The following SCOC variants were observed in gnomAD, a reference collection of about 807,000 sequenced individuals.
SCOC encodes short coiled coil protein.
A neutral mutation model predicts 9.9 loss-of-function variants in SCOC; 7 were observed. The observed-to-expected ratio is 0.71, with a 90% CI of 0.40 to 1.33. The LOEUF (loss-of-function observed/expected upper bound fraction) is 1.33, where lower values mean the gene tolerates loss of function less well. Ranked by LOEUF, SCOC falls within the 40% of genes most tolerant of loss-of-function variation. The probability of loss-of-function intolerance (pLI) is 0.01; values close to 1 mark genes in which losing one functional copy is unlikely to be tolerated. For missense variants in SCOC, 66 were observed against 89.7 expected (o/e 0.74, Z 1.07); for synonymous variants, 19 against 28.2 (o/e 0.67, Z 1.03).
At chr4:140,322,757 C>T (rs149143589) in intron 1 of SCOC, among the ~76,000 whole-genome samples, 3 of 152,064 alleles carry the variant, frequency 2.0e-5, no homozygotes, top group Non-Finnish European at 2.9e-5. Context: ...CAGTCTGCCA[C>T]GTAAAGAATA....
intron 2 of SCOC, among the ~76,000 whole-genome samples, chr4:140,351,539 G>T (rs926016154): frequency 8.6e-5 from 13 of 151,890 alleles, no homozygotes; most frequent in African/African-American, 2.4e-4. Flanking sequence ...TTTTGGTGTC[G>T]GCCAATTAGC....
chr4:140,373,034 A>T (rs112877764), upstream of SCOC, among the ~76,000 whole-genome samples: 1,112 of 152,350 alleles, frequency 7.3e-3, 10 homozygotes, highest in African/African-American at 0.024. Flanking sequence ...CAATTCTAAA[A>T]TATTAAATGG....
intron 1 of SCOC, among the ~76,000 whole-genome samples, chr4:140,286,912 AG>A (rs1165764487): frequency 8.5e-5 from 13 of 152,250 alleles, no homozygotes; most frequent in African/African-American, 3.1e-4. Context: ...GTTCCCCCAG[AG>A]GGCTCCCTGA....
At chr4:140,296,626 C>T (rs759980655) in intron 1 of SCOC, among the ~76,000 whole-genome samples, 2 of 152,130 alleles carry the variant, frequency 1.3e-5, no homozygotes, top group Non-Finnish European at 2.9e-5. Flanking sequence ...GGTGACATGG[C>T]GGGTGAACGA....
In SCOC at chr4:140,381,610, C is replaced by T. The variant is rs990729862; in HGVS notation, c.*506C>T. On this transcript the variant is annotated 3_prime_UTR_variant, in exon 4 of 4. Coordinates refer to ENST00000608372, the MANE Select transcript of SCOC (RefSeq NM_001153484.2). ...AATAGTTAATCATCTCTGAGAGTAA[C>T]CTGTATTTTAATTGTTGAAACTTAA... is the stretch of plus-strand genomic sequence containing the variant. 4 of 152,174 alleles carry T rather than the reference C, an allele frequency of 2.6e-5. No homozygotes were observed. Among genetic ancestry groups the T allele is most frequent in the Admixed American group, 2.0e-4 (3 of 15,274 alleles). 9.4% of individuals were successfully genotyped at this position (152,174 alleles called of 1,614,324 possible).
At chr4:140,335,380 G>C (rs1420099243) in intron 1 of SCOC, among the ~76,000 whole-genome samples, 2 of 152,196 alleles carry the variant, frequency 1.3e-5, no homozygotes, top group Non-Finnish European at 2.9e-5. Context: ...ACTGAGAATA[G>C]TTCTGAACAA....
chr4:140,257,438 G>C (rs1730534364), intron 1 of SCOC: 1 of 152,134 alleles, frequency 6.6e-6, no homozygotes, highest in Non-Finnish European at 1.5e-5. Flanking sequence ...ACTTAGCTGG[G>C]CACAGGCTTT....
intron 2 of SCOC, among the ~76,000 whole-genome samples, chr4:140,351,870 T>C (rs1176862065): frequency 1.3e-5 from 2 of 152,148 alleles, no homozygotes; most frequent in African/African-American, 2.4e-5. Flanking sequence ...GAGAGAACAC[T>C]GAGCCATAGC....
chr4:140,309,315 A>G (rs139129731), intron 1 of SCOC, among the ~76,000 whole-genome samples: 32 of 152,306 alleles, frequency 2.1e-4, no homozygotes, highest in African/African-American at 7.5e-4. Flanking sequence ...TCTCTGGCAA[A>G]CATCCTGCAG....
chr4:140,361,935 T>G (rs1486323256), intron 2 of SCOC, among the ~76,000 whole-genome samples: 1 of 152,110 alleles, frequency 6.6e-6, no homozygotes, highest in East Asian at 1.9e-4. Context: ...AAGAATGAGT[T>G]GCAAGGAATT....
chr4:140,384,493 A>G lies in SCOC; in HGVS notation c.*3389A>G, dbSNP rs1578893919. ...CATCCTCAATAACTGATGATCGTCA[A>G]CCTGGCCTGTCTTTGGCAAGAATCA... On this transcript the variant is annotated 3_prime_UTR_variant, in exon 4 of 4. Coordinates refer to ENST00000608372, the MANE Select transcript of SCOC (RefSeq NM_001153484.2). 6.6e-6 allele frequency: 1 copy of G among 152,142 alleles called. No homozygotes were observed. The highest frequency in any genetic ancestry group is 1.5e-5 in the Non-Finnish European group (1 of 68,042). 9.4% of individuals were successfully genotyped at this position (152,142 alleles called of 1,614,324 possible).
At chr4:140,280,674 A>G (rs571338609) in intron 1 of SCOC, among the ~76,000 whole-genome samples, 1 of 152,332 alleles carries the variant, frequency 6.6e-6, no homozygotes, top group South Asian at 2.1e-4. Flanking sequence ...GGACTCCTAA[A>G]AAGAGCTAAT....
At chr4:140,355,263 A>G (rs1466600950) in intron 2 of SCOC, among the ~76,000 whole-genome samples, 1 of 146,342 alleles carries the variant, frequency 6.8e-6, no homozygotes, top group African/African-American at 2.5e-5. Context: ...TATATAAAAC[A>G]ATGTTATAGA....
chr4:140,366,729 T>C (rs1727814707), intron 2 of SCOC: 2 of 1,581,124 alleles, frequency 1.3e-6, no homozygotes, highest in Admixed American at 3.3e-5. Flanking sequence ...GTCTCCTCAC[T>C]TGAGTGCAAG....
chr4:140,362,416 C>T (rs1314587189), intron 2 of SCOC, among the ~76,000 whole-genome samples: 2 of 144,698 alleles, frequency 1.4e-5, no homozygotes, highest in African/African-American at 5.1e-5. Context: ...CTGCCTCAGC[C>T]TCCCAAGTAG....
intron 1 of SCOC, among the ~76,000 whole-genome samples, chr4:140,305,322 G>A (rs1290463439): frequency 2.0e-5 from 3 of 152,158 alleles, no homozygotes; most frequent in African/African-American, 7.2e-5. Flanking sequence ...GTTTGTTTAG[G>A]CAGCATGTCA....
chr4:140,260,327 C>G (rs1307612993), intron 1 of SCOC, among the ~76,000 whole-genome samples: 1 of 152,188 alleles, frequency 6.6e-6, no homozygotes, highest in Non-Finnish European at 1.5e-5. Context: ...ACTAGCGAAG[C>G]CATTTTCATC....
At chr4:140,291,273 T>C in intron 1 of SCOC, 1 of 371,122 alleles carries the variant, frequency 2.7e-6, no homozygotes, top group East Asian at 7.3e-5. Context: ...TCAGGTGCTA[T>C]GCTTCCTTTT....
intron 1 of SCOC, among the ~76,000 whole-genome samples, chr4:140,311,218 A>C (rs1010016746): frequency 6.6e-6 from 1 of 152,194 alleles, no homozygotes; most frequent in Non-Finnish European, 1.5e-5. Flanking sequence ...CCTGGGCAAC[A>C]GACCCCTATC....
Sources: allele counts gnomAD v4.1 joint callset (sites outside exome capture counted in the v4.1 genomes callset), GRCh38; gene constraint gnomAD v4.1.1; transcripts MANE v1.5; gene names NCBI Gene and HGNC (gene_info 2026-07-23, HGNC 2026-07-21).